DPYSL3: variants seen among roughly 807,000 people sequenced by gnomAD.
The protein encoded by DPYSL3 is dihydropyrimidinase-related protein 3.
Under a neutral mutation model 66.1 loss-of-function variants are expected in DPYSL3, and 16 were observed. The observed-to-expected ratio is 0.24, with a 90% CI of 0.16 to 0.37. The LOEUF is 0.37. Among genes scored for constraint, DPYSL3 ranks in the 10% least tolerant of loss-of-function variants. DPYSL3 has a pLI of 1.00. For missense variants in DPYSL3, 738 were observed against 916.2 expected, an observed-to-expected ratio of 0.81 and a Z score of 2.51; for synonymous variants, 338 against 345.1, an observed-to-expected ratio of 0.98 and a Z score of 0.23.
Position 147,394,513 on chromosome 5 carries a change from C to T in DPYSL3, c.1967-390G>A, listed in dbSNP as rs924473556. On this transcript the variant is annotated intron_variant, in intron 13 of 13. Coordinates refer to ENST00000343218, the MANE Select transcript of DPYSL3 (RefSeq NM_001197294.2). ...CTTATCTGTTTTACAGAGGAGATAA[C>T]TGAGGTTCTGAAAGGTTAGGTCACT... Among the ~76,000 whole-genome samples, 22 of 152,312 alleles carry T rather than the reference C, an allele frequency of 1.4e-4. 1 individual carries two copies. The highest frequency in any genetic ancestry group is 5.3e-4 in the African/African-American group (22 of 41,566).
At chr5:147,502,359 A>G (rs1753624141) in intron 1 of DPYSL3, among the ~76,000 whole-genome samples, 1 of 146,136 alleles carries the variant, frequency 6.8e-6, no homozygotes, top group Non-Finnish European at 1.5e-5. Context: ...TTTTGGGAAA[A>G]AAATGCATGT....
At chr5:147,502,767 G>A (rs1239857317) in intron 1 of DPYSL3, among the ~76,000 whole-genome samples, 1 of 151,888 alleles carries the variant, frequency 6.6e-6, no homozygotes, top group East Asian at 1.9e-4. Flanking sequence ...TAGTAGAGAC[G>A]AGGTTTCACC....
At chr5:147,425,893 G>C (rs1367027935) in intron 1 of DPYSL3, among the ~76,000 whole-genome samples, 4 of 152,106 alleles carry the variant, frequency 2.6e-5, no homozygotes, top group Admixed American at 6.6e-5. Context: ...GTTCATGGAG[G>C]AGAAAACAAT....
At chr5:147,453,834 A>T in intron 1 of DPYSL3, 1 of 970,696 alleles carries the variant, frequency 1.0e-6, no homozygotes, top group Non-Finnish European at 1.3e-6. Flanking sequence ...ACCCGCGTTC[A>T]CGCCCGGGTT....
chr5:147,453,536 C>A (rs1000920050), intron 1 of DPYSL3: 2 of 1,529,676 alleles, frequency 1.3e-6, no homozygotes, highest in Non-Finnish European at 1.8e-6. Context: ...GGAGCAGCGG[C>A]GCCCGGACTC....
intron 1 of DPYSL3, among the ~76,000 whole-genome samples, chr5:147,434,129 T>C (rs139537408): frequency 5.0e-4 from 76 of 152,170 alleles, no homozygotes; most frequent in African/African-American, 1.8e-3. Flanking sequence ...GTAATATCGA[T>C]GTACTGTTAA....
At chr5:147,499,605 C>G (rs1753572670) in intron 1 of DPYSL3, among the ~76,000 whole-genome samples, 1 of 152,144 alleles carries the variant, frequency 6.6e-6, no homozygotes, top group Non-Finnish European at 1.5e-5. Context: ...CAGGAAGACT[C>G]AATACTGTCT....
At position 147,509,662 on chromosome 5, in the gene DPYSL3, C is replaced by G; in HGVS notation, c.197G>C (p.Arg66Pro). 2 of 1,535,778 alleles carry G rather than the reference C, an allele frequency of 1.3e-6. No individual in the cohort carries two copies. The highest frequency in any genetic ancestry group is 1.2e-5 in the South Asian group (1 of 84,030). ...TCCTCGGTCGCTGCCCTGGCCGCTC[C>G]GAGGAGTCTTCGCGCCCCGCTGCCC... is the stretch of plus-strand genomic sequence containing the variant. ...SVGQRGAKTP[R>P]SGQGSDRGSG... Residue 66 changes from arginine to proline, a missense_variant, in exon 1 of 14, where the codon CGG (arginine) becomes CCG (proline). Physicochemically the swap from Arg to Pro is moderately radical, Grantham distance 103 (BLOSUM62 -2). Transcript: ENST00000343218. This position sits in a 1 kb window ranked among gnomAD's most constrained non-coding sequence, Gnocchi z 5.3.
At chr5:147,448,185 AAAC>A (rs1215347726) in intron 1 of DPYSL3, among the ~76,000 whole-genome samples, 5 of 152,044 alleles carry the variant, frequency 3.3e-5, no homozygotes, top group Non-Finnish European at 7.4e-5. Context: ...AGTTATGAAG[AAAC>A]AGCTGAAAGG....
intron 4 of DPYSL3, among the ~76,000 whole-genome samples, chr5:147,415,339 A>G (rs1391866371): frequency 6.6e-6 from 1 of 152,196 alleles, no homozygotes; most frequent in East Asian, 1.9e-4. Context: ...TACTAGCCAT[A>G]CAACCTTATG....
intron 1 of DPYSL3, among the ~76,000 whole-genome samples, chr5:147,427,737 C>T (rs1752223263): frequency 6.6e-6 from 1 of 152,142 alleles, no homozygotes; most frequent in African/African-American, 2.4e-5. Context: ...CTGCCCCCAA[C>T]CCCACCCCAC....
chr5:147,462,965 G>T (rs1399561663), intron 1 of DPYSL3, among the ~76,000 whole-genome samples: 2 of 152,118 alleles, frequency 1.3e-5, no homozygotes, highest in African/African-American at 4.8e-5. Flanking sequence ...TGACCACGCA[G>T]CCACAAATGC....
Position 147,408,812 on chromosome 5 carries a change from A to G in DPYSL3, c.964-16T>C, listed in dbSNP as rs181599575. 3 of 1,614,118 alleles carry G rather than the reference A, an allele frequency of 1.9e-6. No individual in the cohort carries two copies. Among genetic ancestry groups the G allele is most frequent in the Non-Finnish European group, 2.5e-6 (3 of 1,179,966 alleles). ...GGGTTTGCTCCTGAAATGAAAAAAG[A>G]AAATAGTTCTTCAATAAGCTCAAGT... On this transcript the variant is annotated splice_polypyrimidine_tract_variant and intron_variant, in intron 6 of 13. Transcript: ENST00000343218.
intron 1 of DPYSL3, among the ~76,000 whole-genome samples, chr5:147,498,525 C>T (rs965198399): frequency 6.6e-6 from 1 of 152,200 alleles, no homozygotes; most frequent in African/African-American, 2.4e-5. Context: ...CCGTCTTCCA[C>T]AATGGCTGAA....
At chr5:147,503,468 A>G (rs1278399413) in intron 1 of DPYSL3, among the ~76,000 whole-genome samples, 1 of 152,010 alleles carries the variant, frequency 6.6e-6, no homozygotes. Context: ...TAATTTTTAA[A>G]TTATTTTTAG....
intron 1 of DPYSL3, among the ~76,000 whole-genome samples, chr5:147,499,486 G>C (rs1040982656): frequency 6.6e-6 from 1 of 152,082 alleles, no homozygotes; most frequent in African/African-American, 2.4e-5. Context: ...GTGCAACTTA[G>C]GTATAAATCT....
intron 1 of DPYSL3, among the ~76,000 whole-genome samples, chr5:147,475,836 G>C (rs572803313): frequency 3.3e-5 from 5 of 152,030 alleles, no homozygotes; most frequent in Non-Finnish European, 5.9e-5. Flanking sequence ...AAAAACACCC[G>C]AAGTTAATTT....
intron 1 of DPYSL3, among the ~76,000 whole-genome samples, chr5:147,450,604 T>C (rs1408717799): frequency 2.0e-5 from 3 of 151,780 alleles, no homozygotes; most frequent in Non-Finnish European, 2.9e-5. Context: ...GACACAGAAA[T>C]CTCCCCCTCA....
chr5:147,431,493 T>C (rs1219779332), intron 1 of DPYSL3, among the ~76,000 whole-genome samples: 1 of 152,088 alleles, frequency 6.6e-6, no homozygotes, highest in Non-Finnish European at 1.5e-5. Context: ...ATACTATATA[T>C]AAAGGGTTGA....
Sources: gnomAD v4.1 joint callset for allele counts (sites outside exome capture counted in the v4.1 genomes callset) on GRCh38, gnomAD v4.1.1 for gene constraint, Gnocchi (gnomAD v3.1) non-coding constraint, MANE v1.5 for transcripts, NCBI Gene and HGNC (gene_info 2026-07-23, HGNC 2026-07-21) for gene names.